The following SDK1 variants were observed in gnomAD, a reference collection of about 807,000 sequenced individuals.
SDK1 encodes sidekick cell adhesion molecule 1.
A neutral mutation model predicts 245.5 loss-of-function variants in SDK1; 157 were observed. The ratio of observed to expected loss-of-function variants is 0.64; its 90% CI spans 0.56 to 0.73. The LOEUF is 0.73. Ranked by LOEUF, SDK1 falls within the 30% of genes least tolerant of loss-of-function variation. The probability of loss-of-function intolerance (pLI) is 0.00; values close to 1 mark genes in which losing one functional copy is unlikely to be tolerated. For missense variants in SDK1, 3,583 were observed against 3,002.3 expected (o/e 1.19, Z -4.52); for synonymous variants, 1,647 against 1,278.5 (o/e 1.29, Z -6.15).
chr7:4,049,774 A>G (rs891843182), intron 18 of SDK1, among the ~76,000 whole-genome samples: 10 of 152,312 alleles, frequency 6.6e-5, no homozygotes, highest in African/African-American at 9.6e-5. Flanking sequence ...TGCACAAACT[A>G]CTTCTTCCCA....
At chr7:3,477,710 C>T (rs1476930097) in intron 1 of SDK1, among the ~76,000 whole-genome samples, 1 of 151,872 alleles carries the variant, frequency 6.6e-6, no homozygotes, top group South Asian at 2.1e-4. Flanking sequence ...GATAGAGTCC[C>T]ACTATGTTGT....
intron 9 of SDK1, among the ~76,000 whole-genome samples, chr7:3,965,154 A>T (rs1305903828): frequency 6.6e-6 from 1 of 152,224 alleles, no homozygotes; most frequent in African/African-American, 2.4e-5. Context: ...AGTTCTCAGC[A>T]CATGCGAGTG....
intron 28 of SDK1, among the ~76,000 whole-genome samples, chr7:4,142,269 T>C (rs1046504510): frequency 6.6e-6 from 1 of 152,180 alleles, no homozygotes; most frequent in Non-Finnish European, 1.5e-5. Flanking sequence ...ATGCCTGAAC[T>C]TAACACTGGG....
chr7:3,891,154 G>T (rs186148214), intron 5 of SDK1, among the ~76,000 whole-genome samples: 2 of 152,282 alleles, frequency 1.3e-5, no homozygotes, highest in Admixed American at 6.5e-5. Context: ...ACTTCCACTG[G>T]GAAAGAGGAT....
chr7:3,520,470 G>C (rs1339327120), intron 1 of SDK1, among the ~76,000 whole-genome samples: 1 of 152,144 alleles, frequency 6.6e-6, no homozygotes, highest in African/African-American at 2.4e-5. Flanking sequence ...TGGTGGTGCA[G>C]ACTACACCCT....
intron 5 of SDK1, among the ~76,000 whole-genome samples, chr7:3,913,319 A>C (rs922346120): frequency 8.9e-5 from 11 of 123,244 alleles, no homozygotes; most frequent in East Asian, 4.7e-4. Context: ...TTTGAGATGG[A>C]GTCTCGCTCT....
intron 36 of SDK1, among the ~76,000 whole-genome samples, chr7:4,206,307 C>T (rs1374455442): frequency 6.6e-6 from 1 of 152,220 alleles, no homozygotes; most frequent in Admixed American, 6.5e-5. Context: ...GGAACCCTTC[C>T]GTTTCCTGGG....
intron 4 of SDK1, among the ~76,000 whole-genome samples, chr7:3,797,189 A>G (rs1031977835): frequency 6.6e-6 from 1 of 151,848 alleles, no homozygotes; most frequent in Non-Finnish European, 1.5e-5. Flanking sequence ...AAATTTTCGT[A>G]GAGATGGGGT....
chr7:4,254,257 CG>C (rs1438247240), intron 44 of SDK1, among the ~76,000 whole-genome samples: 1 of 151,696 alleles, frequency 6.6e-6, no homozygotes, highest in Non-Finnish European at 1.5e-5. Flanking sequence ...TCTTATTATA[CG>C]TATGTTGGTG....
At chr7:4,191,161 G>T (rs1039870111) in intron 35 of SDK1, among the ~76,000 whole-genome samples, 1 of 152,108 alleles carries the variant, frequency 6.6e-6, no homozygotes, top group Admixed American at 6.5e-5. Context: ...GGCCAACCCC[G>T]CGGCGGTCAC....
At position 3,474,953 on chromosome 7, in the gene SDK1, A is replaced by C. The variant is rs146080947; in HGVS notation, c.299-144127A>C. 7.5e-3 allele frequency among the ~76,000 whole-genome samples: 1,140 copies of C among 152,208 alleles called. 11 individuals are homozygous for C. The highest frequency in any genetic ancestry group is 0.027 in the African/African-American group (1,110 of 41,534). The stretch of plus-strand genomic sequence containing the variant: ...GTGAGCCTCCTTCCTGGCCTACCAA[A>C]ATTCTGGAATTGCAGGTGTGAGCCA... On this transcript the variant is annotated intron_variant, in intron 1 of 44. Transcript: ENST00000404826.
At chr7:3,555,508 A>G (rs1394793997) in intron 1 of SDK1, among the ~76,000 whole-genome samples, 2 of 152,182 alleles carry the variant, frequency 1.3e-5, no homozygotes, top group Non-Finnish European at 2.9e-5. Context: ...AGGGCATTGG[A>G]TGGGGTAAGG....
chr7:3,960,807 A>G (rs62439587), intron 8 of SDK1, among the ~76,000 whole-genome samples: 60,001 of 152,108 alleles, frequency 0.39, 13,395 homozygotes, highest in African/African-American at 0.62. Flanking sequence ...TCTTTCTTAC[A>G]GTGGTTGCAT....
chr7:3,460,719 G>C (rs1780807787), intron 1 of SDK1, among the ~76,000 whole-genome samples: 1 of 152,102 alleles, frequency 6.6e-6, no homozygotes, highest in African/African-American at 2.4e-5. Context: ...TAATCATTGG[G>C]AATGAATCAG....
At chr7:3,822,870 C>T (rs1202406733) in intron 5 of SDK1, among the ~76,000 whole-genome samples, 3 of 151,876 alleles carry the variant, frequency 2.0e-5, no homozygotes, top group Non-Finnish European at 4.4e-5. Flanking sequence ...AGTAGAATTG[C>T]CTGGGTGAAT....
intron 5 of SDK1, among the ~76,000 whole-genome samples, chr7:3,949,768 C>T (rs1046155579): frequency 6.6e-6 from 1 of 151,968 alleles, no homozygotes; most frequent in Non-Finnish European, 1.5e-5. Flanking sequence ...CCCTTGTCAC[C>T]AGAAGTACGA....
At chr7:3,605,145 A>AACACACACAC (rs3086077) in intron 1 of SDK1, among the ~76,000 whole-genome samples, 28,767 of 147,208 alleles carry the variant, frequency 0.2, 3,053 homozygotes, top group Middle Eastern at 0.29. Context: ...AAAAACAAGA[A>AACACACACAC]ACACACACAC....
At chr7:3,546,061 C>T (rs556945647) in intron 1 of SDK1, among the ~76,000 whole-genome samples, 3 of 152,240 alleles carry the variant, frequency 2.0e-5, no homozygotes, top group African/African-American at 4.8e-5. Context: ...AACTTTTAAT[C>T]GTTGGGATGC....
rs139083895 is a variant in SDK1, at chr7:3,953,972, A to G, written c.1150+2052A>G. ...ATAATCCCACGCCCTGTGGCCGAGCATTATTGGTTTCACAGGGCTGTCACC... is the reference window on the plus strand; with the variant it reads ...ATAATCCCACGCCCTGTGGCCGAGCGTTATTGGTTTCACAGGGCTGTCACC... On this transcript the variant is annotated intron_variant, in intron 7 of 44. Transcript: ENST00000404826. 4.4e-3 allele frequency among the ~76,000 whole-genome samples: 674 copies of G among 152,302 alleles called. 3 individuals are homozygous for G. Among genetic ancestry groups the G allele is most frequent in the African/African-American group, 0.015 (639 of 41,556 alleles).
Sources: gnomAD v4.1 joint callset for allele counts (sites outside exome capture counted in the v4.1 genomes callset) on GRCh38, gnomAD v4.1.1 for gene constraint, MANE v1.5 for transcripts, NCBI Gene and HGNC (gene_info 2026-07-23, HGNC 2026-07-21) for gene names.